The following MAD1L1 variants were observed in gnomAD, a reference collection of about 807,000 sequenced individuals.
MAD1L1 encodes the protein mitotic arrest deficient 1 like 1, also known as mitotic spindle assembly checkpoint protein MAD1.
MAD1L1 carries 95 observed loss-of-function variants against 96.9 expected under a neutral mutation model. The observed-to-expected ratio is 0.98, with a 90% confidence interval of 0.83 to 1.16. The LOEUF (loss-of-function observed/expected upper bound fraction) is 1.16, where lower values mean the gene tolerates loss of function less well. Ranked by LOEUF, MAD1L1 falls within the 50% of genes most tolerant of loss-of-function variation. MAD1L1 has a pLI of 0.00. For synonymous variants in MAD1L1, 473 were observed against 396.6 expected (o/e 1.19, Z -2.29); for missense variants, 1,007 against 954.4 (o/e 1.06, Z -0.73).
At chr7:1,895,820 G>A (rs116443799) in intron 18 of MAD1L1, among the ~76,000 whole-genome samples, 2,805 of 152,326 alleles carry the variant, frequency 0.018, 77 homozygotes, top group African/African-American at 0.063. Flanking sequence ...ACATTCACAC[G>A]GGCCTTGGGC....
At chr7:1,838,108 C>T (rs186979288) in intron 18 of MAD1L1, among the ~76,000 whole-genome samples, 22 of 152,332 alleles carry the variant, frequency 1.4e-4, no homozygotes, top group Admixed American at 1.4e-3. Flanking sequence ...TCCCTCTACC[C>T]GAAACCCACG....
intron 18 of MAD1L1, among the ~76,000 whole-genome samples, chr7:1,855,984 T>C (rs978607744): frequency 6.6e-6 from 1 of 152,162 alleles, no homozygotes; most frequent in Non-Finnish European, 1.5e-5. Flanking sequence ...ACGTGGTGTC[T>C]GCTGAGGGGA....
intron 10 of MAD1L1, among the ~76,000 whole-genome samples, chr7:2,156,393 T>G (rs910838330): frequency 6.6e-6 from 1 of 152,058 alleles, no homozygotes; most frequent in Non-Finnish European, 1.5e-5. Flanking sequence ...CTGAGGCAAC[T>G]CCAGCCTGCC....
intron 15 of MAD1L1, among the ~76,000 whole-genome samples, chr7:1,978,549 T>C (rs2128482883): frequency 6.6e-6 from 1 of 152,260 alleles, no homozygotes; most frequent in East Asian, 1.9e-4. Context: ...TGCCTCCCAC[T>C]GCTGCTAGGA....
At chr7:1,840,573 T>C (rs1349443437) in intron 18 of MAD1L1, among the ~76,000 whole-genome samples, 1 of 151,728 alleles carries the variant, frequency 6.6e-6, no homozygotes, top group East Asian at 1.9e-4. Context: ...CTACTAAAAA[T>C]ACAAAAAAAG....
At chr7:1,824,809 T>C (rs1782305696) in intron 18 of MAD1L1, among the ~76,000 whole-genome samples, 2 of 152,016 alleles carry the variant, frequency 1.3e-5, no homozygotes, top group African/African-American at 4.8e-5. Flanking sequence ...CAAAAGACTC[T>C]CCGGGCGTCT....
intron 18 of MAD1L1, among the ~76,000 whole-genome samples, chr7:1,833,836 G>A (rs1218580541): frequency 1.3e-5 from 2 of 152,226 alleles, no homozygotes; most frequent in African/African-American, 4.8e-5. Context: ...AGTTACTCGG[G>A]AGGCTGAGGT....
At chr7:1,980,643 G>T in intron 14 of MAD1L1, 102 bp from the exon 15 acceptor site, 2 of 903,688 alleles carry the variant, frequency 2.2e-6, no homozygotes, top group Non-Finnish European at 1.8e-6. Context: ...CAGCACCCCC[G>T]CCCTGGGCTG....
At chr7:1,970,003 AGAAAGCTACCTAAGT>A (rs1362388925) in intron 15 of MAD1L1, among the ~76,000 whole-genome samples, 1 of 152,230 alleles carries the variant, frequency 6.6e-6, no homozygotes. Flanking sequence ...AAAATTTATG[AGAAAGCTACCTAAGT>A]GAAAAAGGAA....
At chr7:2,213,434 C>T (rs1440764492) in intron 9 of MAD1L1, among the ~76,000 whole-genome samples, 161 bp from the exon 10 acceptor site, 4 of 152,202 alleles carry the variant, frequency 2.6e-5, no homozygotes, top group African/African-American at 9.7e-5. Flanking sequence ...TTGGAAGTGG[C>T]CGGGTTATTA....
chr7:1,960,356 CCTAA>C (rs1219990276), intron 15 of MAD1L1, among the ~76,000 whole-genome samples: 1 of 151,758 alleles, frequency 6.6e-6, no homozygotes, highest in Non-Finnish European at 1.5e-5. Context: ...ATGTAAGTAG[CCTAA>C]CTACCACAAT....
At chr7:2,149,468 T>A (rs1789465067) in intron 10 of MAD1L1, among the ~76,000 whole-genome samples, 1 of 152,200 alleles carries the variant, frequency 6.6e-6, no homozygotes, top group South Asian at 2.1e-4. Flanking sequence ...AAAGCCCCGA[T>A]TTTACTTCAC....
At chr7:1,893,539 G>A (rs561373457) in intron 18 of MAD1L1, among the ~76,000 whole-genome samples, 67 of 152,252 alleles carry the variant, frequency 4.4e-4, no homozygotes, top group African/African-American at 1.3e-3. Flanking sequence ...AGGTGGAGTG[G>A]GTGGGGCAGG....
chr7:2,181,914 C>G (rs1001028120), intron 10 of MAD1L1, among the ~76,000 whole-genome samples: 2 of 151,848 alleles, frequency 1.3e-5, no homozygotes, highest in Non-Finnish European at 2.9e-5. Flanking sequence ...TTCTTCTAAG[C>G]GAAGAAACTC....
chr7:1,945,034 C>T (rs1002540288), intron 16 of MAD1L1, among the ~76,000 whole-genome samples: 4 of 152,106 alleles, frequency 2.6e-5, no homozygotes, highest in Admixed American at 2.0e-4. Context: ...CCGTCGGCCA[C>T]TGGGAGAGAC....
intron 18 of MAD1L1, among the ~76,000 whole-genome samples, chr7:1,887,910 C>A (rs1417623957): frequency 8.1e-6 from 1 of 122,884 alleles, no homozygotes; most frequent in African/African-American, 3.4e-5. Context: ...CATGTGTGTG[C>A]ATGCATGGCT....
intron 1 of MAD1L1, among the ~76,000 whole-genome samples, chr7:2,232,474 C>G (rs1213367828): frequency 6.6e-6 from 1 of 152,232 alleles, no homozygotes; most frequent in East Asian, 1.9e-4. Context: ...CTCCACCAGG[C>G]GCCAGCTCAG....
intron 10 of MAD1L1, among the ~76,000 whole-genome samples, chr7:2,179,173 G>A (rs987029514): frequency 6.6e-5 from 10 of 152,108 alleles, no homozygotes; most frequent in African/African-American, 2.2e-4. Flanking sequence ...AGAAGAGTGC[G>A]CCTGGGGCAT....
intron 11 of MAD1L1, among the ~76,000 whole-genome samples, chr7:2,143,101 C>T (rs1789123826): frequency 6.6e-6 from 1 of 152,024 alleles, no homozygotes; most frequent in South Asian, 2.1e-4. Flanking sequence ...CAAGGACTAG[C>T]TAAAAACCTG....
Sources: allele counts gnomAD v4.1 joint callset (sites outside exome capture counted in the v4.1 genomes callset), GRCh38; gene constraint gnomAD v4.1.1; transcripts MANE v1.5; gene names NCBI Gene and HGNC (gene_info 2026-07-23, HGNC 2026-07-21).